ZNG1A: variants seen among roughly 807,000 people sequenced by gnomAD.
The protein encoded by ZNG1A is zinc-regulated GTPase metalloprotein activator 1A.
At chr9:128,951 T>C in the ZNG1A span, among the ~76,000 whole-genome samples, 1 of 151,906 alleles carries the variant, frequency 6.6e-6, no homozygotes, top group Non-Finnish European at 1.5e-5. Context: ...ATCTCTCTTC[T>C]GGATCTAGCC....
the ZNG1A span, among the ~76,000 whole-genome samples, chr9:170,379 GCA>G: frequency 0.017 from 2,575 of 147,516 alleles, 161 homozygotes; most frequent in African/African-American, 0.063. Flanking sequence ...GTGTGTGTGC[GCA>G]TGTGCATGTG....
the ZNG1A span, among the ~76,000 whole-genome samples, chr9:155,041 C>T: frequency 6.6e-6 from 1 of 151,910 alleles, no homozygotes; most frequent in African/African-American, 2.4e-5. Flanking sequence ...ATTACCCATT[C>T]GCAAAGTATT....
chr9:154,485 A>G, the ZNG1A span: 1 of 544,558 alleles, frequency 1.8e-6, no homozygotes, highest in Middle Eastern at 4.8e-4. Flanking sequence ...GACCCTGAAT[A>G]TCAGTCTATT....
the ZNG1A span, among the ~76,000 whole-genome samples, chr9:174,425 T>C: frequency 0.1 from 15,272 of 151,270 alleles, 1,519 homozygotes; most frequent in African/African-American, 0.26. Context: ...CTACAGAATT[T>C]GGACTATATA....
the ZNG1A span, chr9:150,636 C>G: frequency 2.0e-5 from 20 of 982,566 alleles, 4 homozygotes; most frequent in Non-Finnish European, 2.4e-5. Flanking sequence ...CTGGCAAGCA[C>G]CATACACTGA....
chr9:155,779 C>G, the ZNG1A span, among the ~76,000 whole-genome samples: 1 of 151,556 alleles, frequency 6.6e-6, no homozygotes, highest in African/African-American at 2.4e-5. Flanking sequence ...TCTATAATAA[C>G]CATATTTTCA....
At chr9:125,289 G>C in the ZNG1A span, among the ~76,000 whole-genome samples, 7 of 149,654 alleles carry the variant, frequency 4.7e-5, no homozygotes, top group African/African-American at 1.5e-4. Context: ...GTTTTGATTT[G>C]CATTTCCCTG....
the ZNG1A span, chr9:121,697 G>T: frequency 0.038 from 45,691 of 1,196,372 alleles, 635 homozygotes; most frequent in Middle Eastern, 0.07. Context: ...AATAGTAATT[G>T]AGTGATTCCA....
the ZNG1A span, chr9:154,249 G>T: frequency 5.8e-6 from 1 of 172,674 alleles, no homozygotes; most frequent in Non-Finnish European, 1.2e-5. Context: ...CTTCACATAG[G>T]AAGGGGGGAG....
At chr9:146,645 T>C in the ZNG1A span, 1 of 152,770 alleles carries the variant, frequency 6.5e-6, no homozygotes, top group Admixed American at 6.7e-5. Context: ...TTCACGTGAT[T>C]TGATTTCATT....
the ZNG1A span, among the ~76,000 whole-genome samples, chr9:131,414 A>G: frequency 6.6e-6 from 1 of 150,710 alleles, no homozygotes; most frequent in East Asian, 1.9e-4. Flanking sequence ...AATACCTAGC[A>G]TACAATAACT....
the ZNG1A span, chr9:162,547 A>T: frequency 6.6e-7 from 1 of 1,505,352 alleles, no homozygotes. Flanking sequence ...TTCAAAATGA[A>T]AATTAAAACT....
chr9:131,820 TC>T, the ZNG1A span, among the ~76,000 whole-genome samples: 1 of 149,844 alleles, frequency 6.7e-6, no homozygotes, highest in African/African-American at 2.5e-5. Flanking sequence ...TAAAGTCCAA[TC>T]TAGCTTACAT....
chr9:161,077 C>A, the ZNG1A span, among the ~76,000 whole-genome samples: 1 of 151,380 alleles, frequency 6.6e-6, no homozygotes, highest in Non-Finnish European at 1.5e-5. Context: ...GGAGAGAAGG[C>A]CCAGTGAAGA....
the ZNG1A span, chr9:153,908 C>T: frequency 6.6e-6 from 1 of 152,154 alleles, no homozygotes; most frequent in African/African-American, 2.4e-5. Flanking sequence ...ATAACCAATA[C>T]TAATAGCTAC....
the ZNG1A span, among the ~76,000 whole-genome samples, chr9:174,427 G>A: frequency 0.053 from 8,008 of 151,304 alleles, 268 homozygotes; most frequent in African/African-American, 0.095. Context: ...ACAGAATTTG[G>A]ACTATATACA....
the ZNG1A span, among the ~76,000 whole-genome samples, chr9:170,915 C>A: frequency 7.7e-4 from 96 of 124,136 alleles, no homozygotes; most frequent in Admixed American, 1.2e-3. Context: ...AAAGCTGAAT[C>A]GTGTTTAATT....
chr9:127,584 G>A, the ZNG1A span, among the ~76,000 whole-genome samples: 2,021 of 152,286 alleles, frequency 0.013, 14 homozygotes, highest in African/African-American at 0.046. Context: ...TGTGTTAGGT[G>A]AGACTCTTGA....
At chr9:162,441 A>G in the ZNG1A span, 16 of 1,497,804 alleles carry the variant, frequency 1.1e-5, no homozygotes, top group East Asian at 2.8e-4. Context: ...CTTTTAATCC[A>G]TATTTTGAAT....
Sources: gnomAD v4.1 joint callset for allele counts (sites outside exome capture counted in the v4.1 genomes callset) on GRCh38, gnomAD v4.1.1 for gene constraint, MANE v1.5 for transcripts, NCBI Gene and HGNC (gene_info 2026-07-23, HGNC 2026-07-21) for gene names.